The following SDK1 variants were observed in gnomAD, a reference collection of about 807,000 sequenced individuals.
SDK1 encodes sidekick cell adhesion molecule 1.
A neutral mutation model predicts 245.5 loss-of-function variants in SDK1; 157 were observed. The ratio of observed to expected loss-of-function variants is 0.64; its 90% CI spans 0.56 to 0.73. SDK1 has a LOEUF of 0.73. Among genes scored for constraint, SDK1 ranks in the 30% least tolerant of loss-of-function variants. SDK1 has a pLI of 0.00. For missense variants in SDK1, 3,583 were observed against 3,002.3 expected (o/e 1.19, Z -4.52); for synonymous variants, 1,647 against 1,278.5 (o/e 1.29, Z -6.15).
intron 16 of SDK1, among the ~76,000 whole-genome samples, chr7:4,014,109 T>C (rs1786201823): frequency 6.6e-6 from 1 of 152,252 alleles, no homozygotes; most frequent in Non-Finnish European, 1.5e-5. Flanking sequence ...CACAGGCCTG[T>C]CATCCCTCTG....
chr7:3,591,567 G>A (rs1780876406), intron 1 of SDK1, among the ~76,000 whole-genome samples: 1 of 152,166 alleles, frequency 6.6e-6, no homozygotes. Flanking sequence ...TAATCACTGG[G>A]GCCTCTTCCT....
intron 1 of SDK1, among the ~76,000 whole-genome samples, chr7:3,342,345 T>C (rs1380546031): frequency 6.6e-6 from 1 of 152,070 alleles, no homozygotes; most frequent in Non-Finnish European, 1.5e-5. Context: ...TCCCAGAACT[T>C]TGGGAGGCCG....
chr7:3,471,248 C>T (rs906469698), intron 1 of SDK1, among the ~76,000 whole-genome samples: 1 of 152,098 alleles, frequency 6.6e-6, no homozygotes, highest in African/African-American at 2.4e-5. Flanking sequence ...TGAGTCTGAA[C>T]ATTTTCTTAT....
chr7:4,199,716 C>T (rs1473724554), intron 35 of SDK1, among the ~76,000 whole-genome samples: 2 of 152,154 alleles, frequency 1.3e-5, no homozygotes, highest in African/African-American at 4.8e-5. Flanking sequence ...GTCCCAGCTG[C>T]CACACCTGTG....
intron 7 of SDK1, among the ~76,000 whole-genome samples, chr7:3,955,439 C>T (rs12701305): frequency 0.26 from 39,960 of 152,130 alleles, 5,657 homozygotes; most frequent in Middle Eastern, 0.36. Flanking sequence ...AAGAGAGTCT[C>T]CCTATTTTAA....
rs117933742 is a variant in SDK1 at position 4,050,460 on chromosome 7, G to A, written c.2718+997G>A. ...TCTCGTTGGCAAGGCTGCAGTGTTC[G>A]TTTGATGACTTCGCTGTCAGTTTGA... On this transcript the variant is annotated intron_variant, in intron 18 of 44. Coordinates refer to ENST00000404826, the MANE Select transcript of SDK1 (RefSeq NM_152744.4). 5.8e-3 allele frequency among the ~76,000 whole-genome samples: 888 copies of A among 152,302 alleles called. 13 individuals carry two copies. The highest frequency in any genetic ancestry group is 4.9e-3 in the Non-Finnish European group (334 of 68,020).
intron 4 of SDK1, among the ~76,000 whole-genome samples, chr7:3,675,104 A>C (rs1253940552): frequency 1.3e-5 from 2 of 152,212 alleles, no homozygotes; most frequent in East Asian, 3.9e-4. Context: ...TGAATCTAAC[A>C]GATATCTCCA....
chr7:3,666,540 C>A (rs558704264), intron 4 of SDK1, among the ~76,000 whole-genome samples: 1 of 152,196 alleles, frequency 6.6e-6, no homozygotes, highest in Non-Finnish European at 1.5e-5. Context: ...ACACCTCTCC[C>A]TGTTGCAGGT....
intron 5 of SDK1, among the ~76,000 whole-genome samples, chr7:3,845,699 T>G (rs1384624212): frequency 1.3e-5 from 2 of 152,006 alleles, no homozygotes; most frequent in East Asian, 3.9e-4. Context: ...CTCCTTTTTT[T>G]TTTTTTTAAA....
intron 35 of SDK1, among the ~76,000 whole-genome samples, chr7:4,189,813 G>T (rs673500): frequency 1.7e-4 from 26 of 152,072 alleles, no homozygotes; most frequent in Admixed American, 1.3e-3. Context: ...AATAAAATCA[G>T]TTGGTGGCTT....
Position 4,241,912 on chromosome 7 carries a change from A to T in SDK1, c.6250A>T (p.Arg2084Trp), listed in dbSNP as rs769711572. 6 of 1,612,792 alleles carry T rather than the reference A, an allele frequency of 3.7e-6. No individual in the cohort carries two copies. The Admixed American group carries it at 8.3e-5, about 22-fold the overall frequency. Residue 2084 changes from arginine to tryptophan, a missense_variant and splice_region_variant, in exon 43 of 45, where the codon AGG (arginine) becomes TGG (tryptophan). Physicochemically the swap from Arg to Trp is moderately radical, Grantham distance 101. Transcript: ENST00000404826. The stretch of plus-strand genomic sequence containing the variant: ...CACCTTCTCCAAGAAGAACGGGACC[A>T]GGTAGGCAGGCAGTGCTGTGCTGCG... ...KSTFSKKNGTRSPPRPSPGGL... is the reference protein window; with the variant it reads ...KSTFSKKNGTWSPPRPSPGGL...
chr7:4,231,969 G>C (rs1785801371), intron 40 of SDK1, among the ~76,000 whole-genome samples: 1 of 151,354 alleles, frequency 6.6e-6, no homozygotes, highest in South Asian at 2.1e-4. Flanking sequence ...AGATCTCATA[G>C]CTGCACCTAG....
intron 16 of SDK1, among the ~76,000 whole-genome samples, chr7:4,015,861 A>G (rs1293907873): frequency 1.3e-5 from 2 of 152,320 alleles, no homozygotes; most frequent in East Asian, 1.9e-4. Context: ...TCTATCAAAC[A>G]GGCCCCACCA....
chr7:3,915,807 C>T (rs1451750325), intron 5 of SDK1, among the ~76,000 whole-genome samples: 8 of 152,172 alleles, frequency 5.3e-5, no homozygotes, highest in Non-Finnish European at 1.2e-4. Context: ...TCCTAGCCAC[C>T]TTCCACCCAG....
intron 13 of SDK1, among the ~76,000 whole-genome samples, chr7:3,977,519 T>C (rs1324710599): frequency 6.6e-6 from 1 of 152,224 alleles, no homozygotes; most frequent in African/African-American, 2.4e-5. Flanking sequence ...CTGGGTTCTT[T>C]CTGCCCTTCA....
At chr7:3,797,723 A>C (rs1445551729) in intron 4 of SDK1, among the ~76,000 whole-genome samples, 1 of 152,102 alleles carries the variant, frequency 6.6e-6, no homozygotes, top group Non-Finnish European at 1.5e-5. Flanking sequence ...GCTGTATGGC[A>C]TGAGTTAAGG....
chr7:4,170,068 G>T (rs950997371), intron 32 of SDK1, among the ~76,000 whole-genome samples: 3 of 152,066 alleles, frequency 2.0e-5, no homozygotes, highest in African/African-American at 7.2e-5. Flanking sequence ...TCCATCCATT[G>T]TATTTCTTCT....
intron 5 of SDK1, among the ~76,000 whole-genome samples, chr7:3,836,964 T>C (rs1004370132): frequency 5.3e-5 from 8 of 152,016 alleles, no homozygotes; most frequent in African/African-American, 1.2e-4. Flanking sequence ...TCTCTGGGCA[T>C]TGGGGGTGCA....
intron 5 of SDK1, among the ~76,000 whole-genome samples, chr7:3,848,908 G>A (rs975231737): frequency 2.6e-5 from 4 of 152,160 alleles, no homozygotes; most frequent in African/African-American, 9.7e-5. Context: ...CTGACCTTAT[G>A]ATCCGCCCAC....
Sources: allele counts gnomAD v4.1 joint callset (sites outside exome capture counted in the v4.1 genomes callset), GRCh38; gene constraint gnomAD v4.1.1; transcripts MANE v1.5; gene names NCBI Gene and HGNC (gene_info 2026-07-23, HGNC 2026-07-21).